Variants in TBX22 observed in about 807,000 individuals in gnomAD.
TBX22 encodes the protein T-box transcription factor 22.
A neutral mutation model predicts 30.1 loss-of-function variants in TBX22; 8 were observed. That is an observed-to-expected ratio of 0.27 (90% CI 0.16 to 0.48). The LOEUF (loss-of-function observed/expected upper bound fraction) is 0.48. TBX22 is among the 20% of genes least tolerant of loss of function. The probability of loss-of-function intolerance (pLI) is 0.99; values close to 1 mark genes in which losing one functional copy is unlikely to be tolerated. For missense variants in TBX22, 463 were observed against 400.5 expected (o/e 1.16, Z -1.33); for synonymous variants, 173 against 149.1 (o/e 1.16, Z -1.17).
chrX:80,027,572 T>G, intron 7 of TBX22, among the ~76,000 whole-genome samples: 1 of 110,982 alleles, frequency 9.0e-6, no homozygotes, highest in Admixed American at 9.6e-5. Context: ...AGAGATGGGG[T>G]TTCACCATAT....
At chrX:80,026,624 G>A (rs1461475953) in intron 5 of TBX22, 80 bp from the exon 6 acceptor site, 1 of 999,734 alleles carries the variant, frequency 1.0e-6, no homozygotes, top group African/African-American at 1.9e-5. Flanking sequence ...GTGTGCACAT[G>A]GTGGAGGTGG....
At position 80,031,418 on chromosome X, in the gene TBX22, A is replaced by T; in HGVS notation, c.*307A>T. The T allele has an allele frequency of 3.9e-6, 1 of 256,426 alleles. No homozygotes were observed. Among genetic ancestry groups the T allele is most frequent in the East Asian group, 7.2e-5 (1 of 13,802 alleles). The allele number at this position is 256,426 out of a possible 1,213,427, so 21.1% of individuals were successfully genotyped here. A position where few individuals can be genotyped will look rare whatever the true frequency, so the allele number is the denominator to read the frequency against. ...ATGCTAAGTGATGGGATTTTCAATTATACTGAAGCTAGTTCACCACGTTAA... is the reference window on the plus strand; with the variant it reads ...ATGCTAAGTGATGGGATTTTCAATTTTACTGAAGCTAGTTCACCACGTTAA... On this transcript the variant is annotated 3_prime_UTR_variant, in exon 9 of 9. Coordinates refer to ENST00000373296, the MANE Select transcript of TBX22 (RefSeq NM_001109878.2).
Position 80,030,623 on chromosome X carries a change from T to A in TBX22, c.1075T>A (p.Cys359Ser), listed in dbSNP as rs369127582. ...HLPTSSLGMP[C>S]PEAYLPNVNL... ...ACCTACAAGCTCCCTTGGAATGCCC[T>A]GTCCAGAGGCATACCTGCCCAATGT... The change falls in exon 9 of 9, where the codon TGT (cysteine) becomes AGT (serine). Residue 359 changes from cysteine (C) to serine (S), a missense_variant. Cys to Ser is a moderately radical substitution (Grantham distance 112). Transcript: ENST00000373296. 3 of 1,211,879 alleles carry A rather than the reference T, an allele frequency of 2.5e-6. No individual in the cohort carries two copies. The highest frequency in any genetic ancestry group is 2.2e-6 in the Non-Finnish European group (2 of 895,501).
intron 4 of TBX22, 61 bp downstream of exon 4, chrX:80,024,225 A>C (rs1283735039): frequency 2.9e-6 from 3 of 1,045,141 alleles, no homozygotes; most frequent in Non-Finnish European, 4.0e-6. Context: ...TTGGACCTTC[A>C]GACCTGAAAC....
At chrX:80,025,272 C>G (rs1175901577) in intron 4 of TBX22, among the ~76,000 whole-genome samples, 4 of 111,643 alleles carry the variant, frequency 3.6e-5, no homozygotes, top group Non-Finnish European at 7.5e-5. Context: ...TTCCCAGACT[C>G]TTCACACCCA....
intron 2 of TBX22, chrX:80,022,713 G>T (rs1923774528): frequency 2.3e-6 from 1 of 433,981 alleles, no homozygotes; most frequent in African/African-American, 2.5e-5. Context: ...ACCGCCAGCG[G>T]GTGGCTGCTG....
At chrX:80,016,999 C>G (rs191736645) in intron 1 of TBX22, among the ~76,000 whole-genome samples, 3,492 of 60,233 alleles carry the variant, frequency 0.058, 254 homozygotes, top group East Asian at 0.54. Context: ...GAGGGAGATT[C>G]TGTCTCAAAA....
In TBX22 at chrX:80,028,018, C is replaced by T. The variant is rs774362686; in HGVS notation, c.891C>T (p.Thr297=). The change falls in exon 8 of 9, where the codon ACC becomes ACT. Residue 297 remains threonine, a synonymous_variant. Transcript: ENST00000373296. ...NRGVLDGLLE[T]YPWRPSFTLD... is the part of the protein sequence containing the mutation. Reference sequence around the variant, plus strand: ...GTGTATTGGATGGGCTTTTAGAGACCTACCCATGGAGGCCTTCTTTCACTC... The same window carrying T: ...GTGTATTGGATGGGCTTTTAGAGACTTACCCATGGAGGCCTTCTTTCACTC... 8.3e-7 allele frequency: 1 copy of T among 1,210,960 alleles called. No individual in the cohort carries two copies. The highest frequency in any genetic ancestry group is 1.1e-6 in the Non-Finnish European group (1 of 894,795).
At chrX:80,021,786 A>G (rs1330987066) in intron 1 of TBX22, among the ~76,000 whole-genome samples, 1 of 111,722 alleles carries the variant, frequency 9.0e-6, no homozygotes, top group East Asian at 2.8e-4. Flanking sequence ...TGGATGCAAC[A>G]GTAACTCCCA....
Position 80,025,789 on chromosome X carries a change from C to T in TBX22, c.633+12C>T, listed in dbSNP as rs1923945398. The T allele has an allele frequency of 3.4e-6, 4 of 1,188,128 alleles. No homozygotes were observed. Among genetic ancestry groups the T allele is most frequent in the Non-Finnish European group, 4.5e-6 (4 of 880,670 alleles). ...ATGACAAAGGCCACGTACGTGAGCACAATCCTTTACCCCGAGGAGGGAGGT... is the reference window on the plus strand; with the variant it reads ...ATGACAAAGGCCACGTACGTGAGCATAATCCTTTACCCCGAGGAGGGAGGT... On this transcript the variant is annotated intron_variant, in intron 5 of 8. Coordinates refer to ENST00000373296, the MANE Select transcript of TBX22 (RefSeq NM_001109878.2).
chrX:80,029,088 TTAAAG>T (rs1309778712), intron 8 of TBX22, among the ~76,000 whole-genome samples: 1 of 112,236 alleles, frequency 8.9e-6, no homozygotes, highest in Non-Finnish European at 1.9e-5. Flanking sequence ...AAATGATAAT[TTAAAG>T]TACACAGTTT....
intron 1 of TBX22, 23 bp downstream of exon 1, chrX:80,014,910 C>T (rs1321156380): frequency 8.9e-6 from 1 of 112,107 alleles, no homozygotes; most frequent in Non-Finnish European, 1.9e-5. Flanking sequence ...GCCTTACTGA[C>T]CATGTTATGG....
At chrX:80,027,045 G>A (rs772664683) in intron 6 of TBX22, among the ~76,000 whole-genome samples, 177 bp downstream of exon 6, 2 of 112,253 alleles carry the variant, frequency 1.8e-5, no homozygotes, top group Admixed American at 1.9e-4. Flanking sequence ...TATGGGAGAA[G>A]GCAACTCCAG....
intron 1 of TBX22, among the ~76,000 whole-genome samples, chrX:80,017,039 CAAAG>C (rs1923476531): frequency 1.5e-5 from 1 of 66,058 alleles, no homozygotes; most frequent in Non-Finnish European, 3.0e-5. Context: ...TGAAAAAAAA[CAAAG>C]AAAAGGAAAG....
chrX:80,015,050 G>A (rs1054686303), intron 1 of TBX22, among the ~76,000 whole-genome samples, 163 bp downstream of exon 1: 3 of 110,844 alleles, frequency 2.7e-5, no homozygotes, highest in Non-Finnish European at 5.7e-5. Context: ...TTAACTGGGG[G>A]TTTTGTGACA....
At chrX:80,020,675 GCTGAATATCCCC>G (rs1923649807) in intron 1 of TBX22, among the ~76,000 whole-genome samples, 1 of 111,217 alleles carries the variant, frequency 9.0e-6, no homozygotes, top group Non-Finnish European at 1.9e-5. Context: ...CCTCCCTATG[GCTGAATATCCCC>G]CTACCACCAC....
intron 1 of TBX22, among the ~76,000 whole-genome samples, chrX:80,016,463 T>G (rs776577382): frequency 2.7e-5 from 3 of 111,515 alleles, no homozygotes; most frequent in Non-Finnish European, 3.8e-5. Context: ...AGCATTTTTC[T>G]AGTTTTAGGA....
chrX:80,026,842 A>T lies in TBX22; in HGVS notation c.772A>T (p.Thr258Ser). Reference protein sequence around the residue: ...TFSFKETEFTTVTAYQNQQIT... With the variant: ...TFSFKETEFTSVTAYQNQQIT... ...CTCCTTTAAAGAAACTGAGTTCACC[A>T]CAGTAACGGCTTACCAAAACCAACA... Residue 258 changes from threonine to serine, a missense_variant, in exon 6 of 9, where the codon ACA becomes TCA. Thr to Ser is a moderately conservative substitution (Grantham distance 58). Coordinates refer to ENST00000373296, the MANE Select transcript of TBX22 (RefSeq NM_001109878.2). 1 of 1,211,958 alleles carries T rather than the reference A, an allele frequency of 8.3e-7. No homozygotes were observed. Among genetic ancestry groups the T allele is most frequent in the Non-Finnish European group, 1.1e-6 (1 of 895,526 alleles).
At chrX:80,021,102 G>A (rs1004201794) in intron 1 of TBX22, among the ~76,000 whole-genome samples, 1 of 111,545 alleles carries the variant, frequency 9.0e-6, no homozygotes, top group Non-Finnish European at 1.9e-5. Context: ...TCATTTTAAG[G>A]AAAAGTAAAA....
Sources: gnomAD v4.1 joint callset for allele counts (sites outside exome capture counted in the v4.1 genomes callset) on GRCh38, gnomAD v4.1.1 for gene constraint, MANE v1.5 for transcripts, NCBI Gene and HGNC (gene_info 2026-07-23, HGNC 2026-07-21) for gene names.